MAPK10: variants seen among roughly 807,000 people sequenced by gnomAD.
The protein encoded by MAPK10 is JNK3 alpha protein kinase.
A neutral mutation model predicts 59.3 loss-of-function variants in MAPK10; 25 were observed. That is an observed-to-expected ratio of 0.42 (90% CI 0.31 to 0.59). MAPK10 has a LOEUF of 0.59. Among genes scored for constraint, MAPK10 ranks in the 20% least tolerant of loss-of-function variants. MAPK10 has a pLI of 0.15. For missense variants in MAPK10, 351 were observed against 568.9 expected (o/e 0.62, Z 3.90); for synonymous variants, 190 against 200.5 (o/e 0.95, Z 0.44).
At chr4:86,475,163 T>C (rs1752977992) in intron 1 of MAPK10, among the ~76,000 whole-genome samples, 1 of 152,146 alleles carries the variant, frequency 6.6e-6, no homozygotes. Context: ...ACCCAGGTGA[T>C]TAAAAAGCTT....
intron 1 of MAPK10, among the ~76,000 whole-genome samples, chr4:86,461,134 T>TA (rs916988427): frequency 6.6e-6 from 1 of 151,250 alleles, no homozygotes. Flanking sequence ...TACTCTTTTT[T>TA]TTTTTTGAAA....
At chr4:86,123,601 C>T (rs1190612221) in intron 4 of MAPK10, 2 of 151,904 alleles carry the variant, frequency 1.3e-5, no homozygotes, top group Non-Finnish European at 1.5e-5. Flanking sequence ...AGGGCACTAC[C>T]GAAAAGCATG....
intron 5 of MAPK10, chr4:86,107,014 T>A: frequency 2.9e-6 from 1 of 350,426 alleles, no homozygotes; most frequent in Non-Finnish European, 5.1e-6. Flanking sequence ...AATTCATCAC[T>A]TCCACATCAT....
intron 1 of MAPK10, among the ~76,000 whole-genome samples, chr4:86,527,504 A>C (rs1757554156): frequency 6.6e-6 from 1 of 152,076 alleles, no homozygotes; most frequent in African/African-American, 2.4e-5. Flanking sequence ...AAAAAGTAAA[A>C]AAACAACAGA....
At position 86,180,410 on chromosome 4, in the gene MAPK10, G is replaced by A. The variant is rs536303326; in HGVS notation, c.66+13926C>T. On this transcript the variant is annotated intron_variant, in intron 3 of 13. Transcript: ENST00000641462. ...AATGTAAACTAGTACAAGCACTATGGAGAACAGTATATAGCTTCTTCAAAA... is the reference window on the plus strand; with the variant it reads ...AATGTAAACTAGTACAAGCACTATGAAGAACAGTATATAGCTTCTTCAAAA... Among the ~76,000 whole-genome samples, 229 of 150,432 alleles carry A rather than the reference G, an allele frequency of 1.5e-3. 1 individual carries two copies. The highest frequency in any genetic ancestry group is 2.6e-3 in the Non-Finnish European group (178 of 67,702).
chr4:86,396,388 A>G (rs1339914417), intron 1 of MAPK10, among the ~76,000 whole-genome samples: 1 of 152,200 alleles, frequency 6.6e-6, no homozygotes, highest in East Asian at 1.9e-4. Context: ...GAGAAGACCT[A>G]AAGCTCTTCC....
intron 9 of MAPK10, among the ~76,000 whole-genome samples, chr4:86,069,656 A>G (rs113196931): frequency 1.3e-5 from 2 of 152,196 alleles, no homozygotes; most frequent in African/African-American, 4.8e-5. Context: ...ATAAATTATG[A>G]AGAGACATTT....
At chr4:86,430,432 G>C (rs1483819398) in intron 1 of MAPK10, among the ~76,000 whole-genome samples, 1 of 152,122 alleles carries the variant, frequency 6.6e-6, no homozygotes, top group Admixed American at 6.5e-5. Flanking sequence ...AGTATCCATT[G>C]TGTGTTTGGC....
intron 3 of MAPK10, among the ~76,000 whole-genome samples, chr4:86,180,608 C>A (rs965331322): frequency 6.6e-6 from 1 of 151,480 alleles, no homozygotes; most frequent in African/African-American, 2.4e-5. Context: ...AGGTGTCCAA[C>A]AACACATGAC....
intron 1 of MAPK10, chr4:86,358,481 G>T: frequency 1.9e-6 from 1 of 529,454 alleles, no homozygotes; most frequent in Non-Finnish European, 2.4e-6. Flanking sequence ...AGCAGGCAGG[G>T]CTGCTGTACA....
At chr4:86,159,093 A>G (rs1398653322) in intron 4 of MAPK10, 3 of 382,306 alleles carry the variant, frequency 7.8e-6, no homozygotes, top group Non-Finnish European at 1.4e-5. Context: ...AAAACATGTC[A>G]CAAGCCAAGT....
chr4:86,151,503 G>T (rs1023713885), intron 4 of MAPK10, among the ~76,000 whole-genome samples: 1 of 152,174 alleles, frequency 6.6e-6, no homozygotes, highest in Non-Finnish European at 1.5e-5. Context: ...TCCAGCAGGA[G>T]CAGAGAAAAC....
intron 1 of MAPK10, among the ~76,000 whole-genome samples, chr4:86,541,563 C>T (rs1013355822): frequency 2.0e-5 from 3 of 152,046 alleles, no homozygotes; most frequent in African/African-American, 7.3e-5. Context: ...ATAATAACCT[C>T]GAAGAGACAG....
At chr4:86,154,244 C>G (rs1318020061) in intron 4 of MAPK10, among the ~76,000 whole-genome samples, 3 of 152,058 alleles carry the variant, frequency 2.0e-5, no homozygotes, top group Admixed American at 6.6e-5. Flanking sequence ...ATGCTCCCAT[C>G]CATATTCTGT....
chr4:86,375,393 C>A (rs909082592), intron 1 of MAPK10, among the ~76,000 whole-genome samples: 1 of 151,986 alleles, frequency 6.6e-6, no homozygotes, highest in East Asian at 1.9e-4. Context: ...AATAGACAAA[C>A]TAGAAGTGAA....
At chr4:86,167,442 T>A (rs1367767130) in intron 3 of MAPK10, among the ~76,000 whole-genome samples, 1 of 152,214 alleles carries the variant, frequency 6.6e-6, no homozygotes, top group Non-Finnish European at 1.5e-5. Flanking sequence ...CCAATATTCC[T>A]GATGAACATC....
At position 86,101,176 on chromosome 4, in the gene MAPK10, T is replaced by C. The variant is rs772285838; in HGVS notation, c.606A>G (p.Thr202=). 5.2e-5 allele frequency: 84 copies of C among 1,613,870 alleles called. No individual in the cohort carries two copies. Among genetic ancestry groups the C allele is most frequent in the Admixed American group, 8.3e-5 (5 of 59,974 alleles). Residue 202 remains threonine, a synonymous_variant, in exon 8 of 14, where the codon ACA becomes ACG. Coordinates refer to ENST00000641462, the MANE Select transcript of MAPK10 (RefSeq NM_138982.4). ...PSNIVVKSDC[T]LKILDFGLAR... is the part of the protein sequence containing the mutation. ...CCAGTCCAAAGTCCAGGATTTTCAA[T>C]GTGCAATCAGACTTGACTACAATGT...
intron 1 of MAPK10, among the ~76,000 whole-genome samples, chr4:86,488,943 T>C (rs1201204360): frequency 1.3e-5 from 2 of 152,244 alleles, no homozygotes; most frequent in South Asian, 2.1e-4. Flanking sequence ...TTAGCAAAGA[T>C]GCAGCAGAGG....
chr4:86,056,568 T>A (rs534861002), intron 11 of MAPK10, among the ~76,000 whole-genome samples: 1 of 149,964 alleles, frequency 6.7e-6, no homozygotes, highest in South Asian at 2.1e-4. Context: ...AACTCATTCA[T>A]GGAGTAGATT....
Sources: allele counts gnomAD v4.1 joint callset (sites outside exome capture counted in the v4.1 genomes callset), GRCh38; gene constraint gnomAD v4.1.1; transcripts MANE v1.5; gene names NCBI Gene and HGNC (gene_info 2026-07-23, HGNC 2026-07-21).